ATE1: variants seen among roughly 807,000 people sequenced by gnomAD.
The protein encoded by ATE1 is arginyl-tRNA--protein transferase 1.
Under a neutral mutation model 70.5 loss-of-function variants are expected in ATE1, and 36 were observed. The ratio of observed to expected loss-of-function variants is 0.51; its 90% CI spans 0.39 to 0.67. The LOEUF (loss-of-function observed/expected upper bound fraction) is 0.67. Ranked by LOEUF, ATE1 falls within the 30% of genes least tolerant of loss-of-function variation. The pLI, the probability that ATE1 is intolerant of heterozygous loss-of-function variation, is 0.00. For missense variants in ATE1, 593 were observed against 629.5 expected, an observed-to-expected ratio of 0.94 and a Z score of 0.62; for synonymous variants, 232 against 219.3, an observed-to-expected ratio of 1.06 and a Z score of -0.51.
chr10:121,928,152 T>G, upstream of ATE1: 1 of 1,275,690 alleles, frequency 7.8e-7, no homozygotes, highest in Non-Finnish European at 9.9e-7. Context: ...TTTCCACTAT[T>G]TCCGTTCCTT....
At chr10:121,811,640 A>G (rs557885452) in intron 10 of ATE1, among the ~76,000 whole-genome samples, 3 of 152,302 alleles carry the variant, frequency 2.0e-5, no homozygotes, top group Non-Finnish European at 2.9e-5. Flanking sequence ...AAACAAGTAA[A>G]ACTGCTTACC....
At chr10:121,766,048 G>A (rs1487293614) in intron 11 of ATE1, among the ~76,000 whole-genome samples, 3 of 152,028 alleles carry the variant, frequency 2.0e-5, no homozygotes, top group African/African-American at 2.4e-5. Flanking sequence ...GTAAAACTTG[G>A]TTTTCTTCTT....
At chr10:121,800,900 A>C (rs754740510) in intron 10 of ATE1, among the ~76,000 whole-genome samples, 15 of 152,336 alleles carry the variant, frequency 9.8e-5, no homozygotes, top group East Asian at 1.9e-4. Context: ...CTGAAAGACA[A>C]CACCAGTGGA....
chr10:121,800,596 G>A (rs1388410409), intron 10 of ATE1, among the ~76,000 whole-genome samples: 1 of 152,082 alleles, frequency 6.6e-6, no homozygotes, highest in African/African-American at 2.4e-5. Context: ...TAAAATGTAA[G>A]TACACCAAAA....
chr10:121,741,908 A>G lies in ATE1; in HGVS notation c.*1772T>C, dbSNP rs981302299. On this transcript the variant is annotated 3_prime_UTR_variant, in exon 12 of 12. Coordinates refer to ENST00000224652, the MANE Select transcript of ATE1 (RefSeq NM_001001976.3). ...TGTAGATGATTTTTACTTTTTATTT[A>G]TACTTCTTAATGTTCTAACTGCTTA... is the stretch of plus-strand genomic sequence containing the variant. The G allele has an allele frequency of 6.6e-6, 1 of 152,126 alleles. No homozygotes were observed. Among genetic ancestry groups the G allele is most frequent in the African/African-American group, 2.4e-5 (1 of 41,426 alleles). The allele number at this position is 152,126 out of a possible 1,614,324, so 9.4% of individuals were successfully genotyped here.
At chr10:121,807,577 G>C (rs181582802) in intron 10 of ATE1, among the ~76,000 whole-genome samples, 97 of 152,276 alleles carry the variant, frequency 6.4e-4, no homozygotes, top group East Asian at 9.7e-4. Flanking sequence ...TAATGCACTA[G>C]ATGATGCACG....
intron 10 of ATE1, among the ~76,000 whole-genome samples, chr10:121,817,795 C>CAGAAG (rs1388513708): frequency 1.3e-5 from 2 of 152,056 alleles, no homozygotes; most frequent in Non-Finnish European, 2.9e-5. Context: ...TATACAAAAG[C>CAGAAG]AGAAGAGAAG....
chr10:121,875,189 T>C (rs991580235), intron 7 of ATE1, among the ~76,000 whole-genome samples: 4 of 148,984 alleles, frequency 2.7e-5, no homozygotes, highest in South Asian at 4.2e-4. Context: ...CACTCCAATA[T>C]AGTTAAACCT....
chr10:121,911,255 A>C, intron 4 of ATE1, 104 bp from the exon 5 acceptor site: 4 of 1,380,310 alleles, frequency 2.9e-6, no homozygotes, highest in Non-Finnish European at 3.0e-6. Flanking sequence ...CAGAATTACT[A>C]TCTGTCCACC....
chr10:121,774,720 TCA>T (rs779538468), intron 11 of ATE1, among the ~76,000 whole-genome samples: 14 of 152,198 alleles, frequency 9.2e-5, no homozygotes, highest in Admixed American at 2.6e-4. Flanking sequence ...AAATTAGAAC[TCA>T]AAGTTCCTGA....
At chr10:121,858,654 C>CATATTATATAT (rs1949341024) in intron 8 of ATE1, among the ~76,000 whole-genome samples, 1 of 13,148 alleles carries the variant, frequency 7.6e-5, no homozygotes, top group Non-Finnish European at 2.1e-4. Context: ...ATATTTTATA[C>CATATTATATAT]ATATAATATA....
intron 8 of ATE1, among the ~76,000 whole-genome samples, chr10:121,863,850 C>A (rs964996690): frequency 1.3e-5 from 2 of 151,926 alleles, no homozygotes; most frequent in Non-Finnish European, 2.9e-5. Flanking sequence ...CTGGGTTCAA[C>A]TGATCCTCCT....
chr10:121,831,163 CTATAG>C lies in ATE1; in HGVS notation c.1257+5550_1257+5554del, dbSNP rs977347265. Among the ~76,000 whole-genome samples, 11 of 152,164 alleles carry C rather than the reference CTATAG, an allele frequency of 7.2e-5. 1 individual carries two copies. The highest frequency in any genetic ancestry group is 2.4e-4 in the African/African-American group (10 of 41,512). On this transcript the variant is annotated intron_variant, in intron 10 of 11. Coordinates refer to ENST00000224652, the MANE Select transcript of ATE1 (RefSeq NM_001001976.3). Reference sequence around the variant, plus strand: ...TAGTAGTATTACAAATATCTTTAGCCTATAGTGAATACTAAAACATTGGAAAACTC... The same window carrying C: ...TAGTAGTATTACAAATATCTTTAGCCTGAATACTAAAACATTGGAAAACTC...
intron 10 of ATE1, among the ~76,000 whole-genome samples, chr10:121,816,178 AATTT>A (rs1947534254): frequency 6.6e-6 from 1 of 152,230 alleles, no homozygotes; most frequent in African/African-American, 2.4e-5. Context: ...AATTATACAA[AATTT>A]ATTATCATAC....
chr10:121,849,775 G>A lies in ATE1; in HGVS notation c.976-8512C>T, dbSNP rs377154966. Among the ~76,000 whole-genome samples, 163 of 152,140 alleles carry A rather than the reference G, an allele frequency of 1.1e-3. 5 individuals are homozygous for A. The South Asian group carries it at 0.029, about 27-fold the overall frequency. ...GGCAGCTGTGGAGAATGAGTTGGAG[G>A]TGAGCCTGAGATATTGATTCTCTTT... On this transcript the variant is annotated intron_variant, in intron 8 of 11. Transcript: ENST00000224652.
At chr10:121,861,524 T>C (rs909731533) in intron 8 of ATE1, among the ~76,000 whole-genome samples, 2 of 144,764 alleles carry the variant, frequency 1.4e-5, no homozygotes, top group African/African-American at 2.6e-5. Flanking sequence ...TTCTCACTCA[T>C]AGGTGGGAAT....
chr10:121,894,944 T>C (rs1950721422), intron 7 of ATE1, among the ~76,000 whole-genome samples: 1 of 151,822 alleles, frequency 6.6e-6, no homozygotes, highest in South Asian at 2.1e-4. Flanking sequence ...AGGGTTAGAA[T>C]ACACAATTCT....
At chr10:121,850,992 G>C (rs1418209293) in intron 8 of ATE1, among the ~76,000 whole-genome samples, 1 of 148,990 alleles carries the variant, frequency 6.7e-6, no homozygotes, top group Non-Finnish European at 1.5e-5. Context: ...TTGGGAGGCT[G>C]AGGCAGGAGA....
At chr10:121,877,591 A>T (rs1950094791) in intron 7 of ATE1, among the ~76,000 whole-genome samples, 1 of 152,166 alleles carries the variant, frequency 6.6e-6, no homozygotes, top group South Asian at 2.1e-4. Context: ...AACTTTAAAA[A>T]GGTAGGGGGG....
Sources: allele counts gnomAD v4.1 joint callset (sites outside exome capture counted in the v4.1 genomes callset), GRCh38; gene constraint gnomAD v4.1.1; transcripts MANE v1.5; gene names NCBI Gene and HGNC (gene_info 2026-07-23, HGNC 2026-07-21).